The following ARHGAP45 variants were observed in gnomAD, a reference collection of about 807,000 sequenced individuals.
ARHGAP45 encodes Rho GTPase activating protein 45, also known as rho GTPase-activating protein 45.
A neutral mutation model predicts 116.1 loss-of-function variants in ARHGAP45; 56 were observed. The ratio of observed to expected loss-of-function variants is 0.48; its 90% CI spans 0.39 to 0.60. The LOEUF (loss-of-function observed/expected upper bound fraction) is 0.60. ARHGAP45 is among the 20% of genes least tolerant of loss of function. The pLI is 0.00. For missense variants in ARHGAP45, 1,622 were observed against 1,601.0 expected (o/e 1.01, Z -0.22); for synonymous variants, 866 against 701.7 (o/e 1.23, Z -3.70).
Position 1,080,381 on chromosome 19 carries a change from T to C in ARHGAP45, c.1828+2T>C. 1 of 1,607,192 alleles carries C rather than the reference T, an allele frequency of 6.2e-7. No homozygotes were observed. The highest frequency in any genetic ancestry group is 8.5e-7 in the Non-Finnish European group (1 of 1,178,732). On this transcript the variant is annotated splice_donor_variant, in intron 14 of 22. Coordinates refer to ENST00000313093, the MANE Select transcript of ARHGAP45 (RefSeq NM_012292.5). LOFTEE classifies it high-confidence loss of function. ...GCACACCTGCCAAGGACCACAGGGG[T>C]GAGTGTCCGGCGGGGCCCAGGGGCG...
At chr19:1,085,453 CT>C (rs2043581631) in intron 22 of ARHGAP45, among the ~76,000 whole-genome samples, 1 of 150,754 alleles carries the variant, frequency 6.6e-6, no homozygotes, top group Non-Finnish European at 1.5e-5. Flanking sequence ...CCCCTTGTCT[CT>C]CTCTCCTCCT....
intron 2 of ARHGAP45, 149 bp from the exon 3 acceptor site, chr19:1,073,000 G>C: frequency 1.1e-6 from 1 of 941,662 alleles, no homozygotes; most frequent in Non-Finnish European, 1.6e-6. Flanking sequence ...CCTCCCCGCG[G>C]TCTCGAAATG....
At chr19:1,077,374 CTTTTT>C (rs34571690) in intron 10 of ARHGAP45, 74 of 919,280 alleles carry the variant, frequency 8.0e-5, no homozygotes, top group South Asian at 1.4e-4. Context: ...TCCTCCCGTT[CTTTTT>C]TTTTTTTTTT....
rs757323966 is a variant in ARHGAP45 at position 1,084,291 on chromosome 19, G to A, written c.3009G>A (p.Glu1003=). ...TAGTCGTCCAGGTGCCGTACCTGGA[G>A]GCGGGCGAGGCGGTGGTCTACCCGC... ...AEVVVQVPYL[E]AGEAVVYPLQ... Residue 1003 remains glutamate, a synonymous_variant, in exon 22 of 23, where the codon GAG becomes GAA. Transcript: ENST00000313093. The A allele has an allele frequency of 1.9e-6, 3 of 1,612,806 alleles. No homozygotes were observed. Among genetic ancestry groups the A allele is most frequent in the South Asian group, 2.2e-5 (2 of 91,020 alleles).
At chr19:1,073,392 G>C (rs2043175807) in intron 3 of ARHGAP45, 100 bp downstream of exon 3, 1 of 1,575,022 alleles carries the variant, frequency 6.3e-7, no homozygotes, top group East Asian at 2.3e-5. Context: ...ATAGGAGTTT[G>C]ACAGGCACAA....
Position 1,071,427 on chromosome 19 carries a change from C to A in ARHGAP45, c.422-1722C>A. 3 of 1,080,702 alleles carry A rather than the reference C, an allele frequency of 2.8e-6. No homozygotes were observed. Among genetic ancestry groups the A allele is most frequent in the South Asian group, 4.3e-5 (1 of 23,054 alleles). 66.9% of individuals were successfully genotyped at this position (1,080,702 alleles called of 1,614,324 possible). A position where few individuals can be genotyped will look rare whatever the true frequency, so the allele number is the denominator to read the frequency against. ...AGCACGTGGCGCTCGGGCCGTTTGC[C>A]GCCCGCGGTGGGGGAGCAGCGGCTG... On this transcript the variant is annotated intron_variant, in intron 2 of 22. Transcript: ENST00000313093. This position sits in a 1 kb window ranked among gnomAD's most constrained non-coding sequence, Gnocchi z 4.6.
chr19:1,084,982 T>G (rs1320185525), intron 22 of ARHGAP45, among the ~76,000 whole-genome samples: 1 of 152,142 alleles, frequency 6.6e-6, no homozygotes, highest in Non-Finnish European at 1.5e-5. Context: ...CTCAGGAGGC[T>G]GAAGCAGGAG....
In ARHGAP45 at chr19:1,079,932, C is replaced by G; in HGVS notation, c.1517C>G (p.Thr506Arg). The change falls in exon 13 of 23, where the codon ACG (threonine) becomes AGG (arginine). Residue 506 changes from threonine (T) to arginine (R), a missense_variant. Around this residue, in one of 3 missense-constraint regions of ARHGAP45, gnomAD observed 1,334 missense variants for 1,263.8 expected, o/e 1.06. Coordinates refer to ENST00000313093, the MANE Select transcript of ARHGAP45 (RefSeq NM_012292.5). The stretch of plus-strand genomic sequence containing the variant: ...GCTCTCCGGTGCCGCCCGCAGGCCA[C>G]GATCTCCTACTACCAGATGATGCAT... ...RQSDQTIKSATISYYQMMHMQ... is the reference protein window; with the variant it reads ...RQSDQTIKSARISYYQMMHMQ... 1 of 1,606,072 alleles carries G rather than the reference C, an allele frequency of 6.2e-7. No individual in the cohort carries two copies. The highest frequency in any genetic ancestry group is 8.5e-7 in the Non-Finnish European group (1 of 1,174,344).
At chr19:1,078,653 C>CGT in intron 11 of ARHGAP45, among the ~76,000 whole-genome samples, 1 of 141,978 alleles carries the variant, frequency 7.0e-6, no homozygotes, top group East Asian at 2.2e-4. Flanking sequence ...TCATGATCCA[C>CGT]CCACTTCGGC....
rs993317906 is a variant in ARHGAP45 at position 1,085,690 on chromosome 19, C to T, written c.3095C>T (p.Ser1032Leu). ...ESRVVSNDSD[S>L]DLEEASELLS... ...CGAGTTGTGTCCAACGATTCGGACT[C>T]GGACCTAGAGGAGGCCTCCGAGCTG... The change falls in exon 23 of 23, where the codon TCG becomes TTG. Residue 1032 changes from serine (S) to leucine (L), a missense_variant. Physicochemically the swap from Ser to Leu is moderately radical, Grantham distance 145. This residue lies in a region of ARHGAP45 where 1,334 missense variants were observed against 1,263.8 expected (regional missense o/e 1.06). Transcript: ENST00000313093. The T allele has an allele frequency of 1.4e-5, 22 of 1,591,032 alleles. No individual in the cohort carries two copies. The highest frequency in any genetic ancestry group is 1.7e-5 in the Non-Finnish European group (20 of 1,165,362).
At position 1,069,262 on chromosome 19, in the gene ARHGAP45, C is replaced by T. The variant is rs117722775; in HGVS notation, c.421+518C>T. Among the ~76,000 whole-genome samples the T allele has an allele frequency of 3.1e-3, 465 of 152,246 alleles. 2 individuals carry two copies. Among genetic ancestry groups the T allele is most frequent in the Admixed American group, 4.3e-3 (66 of 15,290 alleles). On this transcript the variant is annotated intron_variant, in intron 2 of 22. Coordinates refer to ENST00000313093, the MANE Select transcript of ARHGAP45 (RefSeq NM_012292.5). The surrounding 1 kb of genome is among the most constrained non-coding windows in gnomAD (Gnocchi z 4.1). ...CGAGGGGCAGGATGGGGTCATCAGG[C>T]GGCGGAGGTGCTGGGACCCAGCGGC...
chr19:1,081,747 G>C lies in ARHGAP45; in HGVS notation c.2379+9G>C, dbSNP rs777836358. On this transcript the variant is annotated intron_variant, in intron 18 of 22. Coordinates refer to ENST00000313093, the MANE Select transcript of ARHGAP45 (RefSeq NM_012292.5). ...GGGCGCTGCGCACCAAGGTGAGGCG[G>C]GGGAGGAAGCGGCTCACAGCGAGGA... The C allele has an allele frequency of 6.4e-7, 1 of 1,560,926 alleles. No individual in the cohort carries two copies. The highest frequency in any genetic ancestry group is 8.7e-7 in the Non-Finnish European group (1 of 1,151,878).
At position 1,071,407 on chromosome 19, in the gene ARHGAP45, G is replaced by C; in HGVS notation, c.422-1742G>C. Reference sequence around the variant, plus strand: ...TGGGTCCCGCCGCGTCCGGGAGCACGTGGCGCTCGGGCCGTTTGCCGCCCG... The same window carrying C: ...TGGGTCCCGCCGCGTCCGGGAGCACCTGGCGCTCGGGCCGTTTGCCGCCCG... On this transcript the variant is annotated intron_variant, in intron 2 of 22. Transcript: ENST00000313093. The surrounding 1 kb of genome is among the most constrained non-coding windows in gnomAD (Gnocchi z 4.6). 1 of 1,137,852 alleles carries C rather than the reference G, an allele frequency of 8.8e-7. No homozygotes were observed. The highest frequency in any genetic ancestry group is 3.8e-5 in the South Asian group (1 of 26,646). 70.5% of individuals were successfully genotyped at this position (1,137,852 alleles called of 1,614,324 possible). A position where few individuals can be genotyped will look rare whatever the true frequency, so the allele number is the denominator to read the frequency against.
In ARHGAP45 at chr19:1,086,011, G is replaced by C. The variant is rs368736563; in HGVS notation, c.*5G>C. On this transcript the variant is annotated 3_prime_UTR_variant, in exon 23 of 23. Coordinates refer to ENST00000313093, the MANE Select transcript of ARHGAP45 (RefSeq NM_012292.5). ...AGGCAGCCGGAATTCGTGTGAGCTG[G>C]GGTGGGGCTGGGACCACAGGTGGCT... 18 of 1,607,678 alleles carry C rather than the reference G, an allele frequency of 1.1e-5. No homozygotes were observed. The highest frequency in any genetic ancestry group is 1.4e-5 in the Non-Finnish European group (17 of 1,176,594).
At chr19:1,075,027 GCC>G (rs539582612) in intron 10 of ARHGAP45, 148 bp downstream of exon 10, 23 of 441,402 alleles carry the variant, frequency 5.2e-5, no homozygotes, top group South Asian at 1.1e-4. Flanking sequence ...AGGCTGGGCC[GCC>G]CCCCCCAACG....
chr19:1,080,067 A>C lies in ARHGAP45; in HGVS notation c.1652A>C (p.Gln551Pro), dbSNP rs1568473008. ...ASHVRQLQRD[Q>P]EPDVHYDFEP... ...CACGTGCGCCAGCTGCAGCGGGACC[A>C]GGAGCCCGATGTGCACTACGACTTT... The change falls in exon 13 of 23, where the codon CAG (glutamine) becomes CCG (proline). Residue 551 changes from glutamine to proline, a missense_variant. Transcript: ENST00000313093. The C allele has an allele frequency of 6.2e-7, 1 of 1,612,678 alleles. No individual in the cohort carries two copies. The highest frequency in any genetic ancestry group is 1.7e-5 in the Admixed American group (1 of 60,016).
chr19:1,079,830 C>T lies in ARHGAP45; in HGVS notation c.1502C>T (p.Thr501Ile), dbSNP rs141510861. Residue 501 changes from threonine (T) to isoleucine (I), a missense_variant, in exon 12 of 23, where the codon ACC becomes ATC. Coordinates refer to ENST00000313093, the MANE Select transcript of ARHGAP45 (RefSeq NM_012292.5). Reference protein sequence around the residue: ...IQEVIRQSDQTIKSATISYYQ... With the variant: ...IQEVIRQSDQIIKSATISYYQ... ...GAGGTCATCCGGCAGAGCGACCAAA[C>T]CATCAAGTCGGTGCGTGGGGTGCTC... The T allele has an allele frequency of 2.6e-4, 419 of 1,605,928 alleles. 1 individual carries two copies. The African/African-American group carries it at 4.1e-3, about 16-fold the overall frequency.
At position 1,073,564 on chromosome 19, in the gene ARHGAP45, G is replaced by C; in HGVS notation, c.624G>C (p.Glu208Asp). Residue 208 changes from glutamate (E) to aspartate (D), a missense_variant, in exon 4 of 23, where the codon GAG becomes GAC. Physicochemically the swap from Glu to Asp is conservative, Grantham distance 45. Around this residue, in one of 3 missense-constraint regions of ARHGAP45, gnomAD observed 279 missense variants for 311.9 expected, o/e 0.89. Coordinates refer to ENST00000313093, the MANE Select transcript of ARHGAP45 (RefSeq NM_012292.5). ...LEKQEFEKAL[E>D]TIAVAFSSTV... ...AACAGGAGTTCGAGAAGGCCCTGGAGACGATTGCTGTGGCCTTCAGTAGCA... is the reference window on the plus strand; with the variant it reads ...AACAGGAGTTCGAGAAGGCCCTGGACACGATTGCTGTGGCCTTCAGTAGCA... 6.2e-7 allele frequency: 1 copy of C among 1,614,028 alleles called. No homozygotes were observed. Among genetic ancestry groups the C allele is most frequent in the Non-Finnish European group, 8.5e-7 (1 of 1,179,962 alleles).
At position 1,082,108 on chromosome 19, in the gene ARHGAP45, G is replaced by A. The variant is rs947576631; in HGVS notation, c.2517+147G>A. The stretch of plus-strand genomic sequence containing the variant: ...GGCCTGGGGAGGACAGGGTGGGCGG[G>A]ACAGTGCCTGGCAGGGCAGGGCTGA... On this transcript the variant is annotated intron_variant, in intron 19 of 22. Transcript: ENST00000313093. 6.2e-6 allele frequency: 3 copies of A among 484,490 alleles called. No homozygotes were observed. In the Admixed American group the frequency reaches 1.1e-4, roughly 17 times the overall value. The allele number at this position is 484,490 out of a possible 1,614,324, so 30.0% of individuals were successfully genotyped here. A position where few individuals can be genotyped will look rare whatever the true frequency, so the allele number is the denominator to read the frequency against.
Sources: gnomAD v4.1 joint callset for allele counts (sites outside exome capture counted in the v4.1 genomes callset) on GRCh38, gnomAD v4.1.1 for gene constraint, gnomAD v4.1.1 regional missense constraint, Gnocchi (gnomAD v3.1) non-coding constraint, MANE v1.5 for transcripts, NCBI Gene and HGNC (gene_info 2026-07-23, HGNC 2026-07-21) for gene names.